Variants in OSTN observed in about 807,000 individuals in gnomAD.
OSTN encodes osteocrin.
A neutral mutation model predicts 12.0 loss-of-function variants in OSTN; 9 were observed. The ratio of observed to expected loss-of-function variants is 0.75; its 90% CI spans 0.45 to 1.30. The LOEUF is 1.30. Among genes scored for constraint, OSTN ranks in the 50% most tolerant of loss-of-function variants. OSTN has a pLI of 0.00. For missense variants in OSTN, 148 were observed against 152.3 expected, an observed-to-expected ratio of 0.97 and a Z score of 0.15; for synonymous variants, 59 against 56.9, an observed-to-expected ratio of 1.04 and a Z score of -0.16.
chr3:191,242,985 A>T (rs527423089), intron 3 of OSTN, among the ~76,000 whole-genome samples: 19 of 152,290 alleles, frequency 1.2e-4, no homozygotes, highest in African/African-American at 4.3e-4. Flanking sequence ...AAACATTAGA[A>T]AAACAGGCAG....
intron 1 of OSTN, among the ~76,000 whole-genome samples, chr3:191,200,044 G>C (rs1211618827): frequency 6.6e-6 from 1 of 152,062 alleles, no homozygotes; most frequent in Non-Finnish European, 1.5e-5. Flanking sequence ...TATAGGTTTA[G>C]GAATGTGATT....
chr3:191,231,578 T>A (rs1218076476), intron 3 of OSTN, among the ~76,000 whole-genome samples: 2 of 152,210 alleles, frequency 1.3e-5, no homozygotes, highest in East Asian at 3.8e-4. Context: ...TGTTAGATCT[T>A]TCACAAGACC....
chr3:191,199,501 T>C (rs894572596), intron 1 of OSTN, among the ~76,000 whole-genome samples, 194 bp downstream of exon 1: 1 of 152,100 alleles, frequency 6.6e-6, no homozygotes, highest in African/African-American at 2.4e-5. Context: ...TAATTGCTTA[T>C]TCAGATATTT....
intron 3 of OSTN, among the ~76,000 whole-genome samples, chr3:191,232,136 G>T (rs1031590881): frequency 1.3e-5 from 2 of 151,800 alleles, no homozygotes; most frequent in African/African-American, 4.8e-5. Context: ...TTCGTGACCA[G>T]CCTGGCCAAC....
At chr3:191,210,903 G>A (rs1714402684) in intron 1 of OSTN, among the ~76,000 whole-genome samples, 1 of 152,192 alleles carries the variant, frequency 6.6e-6, no homozygotes, top group Non-Finnish European at 1.5e-5. Flanking sequence ...GTAACTTCCA[G>A]TAGTCAAACT....
intron 3 of OSTN, among the ~76,000 whole-genome samples, chr3:191,228,218 G>A (rs1383978008): frequency 1.3e-5 from 2 of 152,094 alleles, no homozygotes; most frequent in Non-Finnish European, 2.9e-5. Flanking sequence ...TTGCTATCAG[G>A]TAGGACAAGA....
Position 191,250,088 on chromosome 3 carries a change from T to C in OSTN, c.369T>C (p.Ile123=), listed in dbSNP as rs147138178. The C allele has an allele frequency of 1.6e-5, 26 of 1,613,620 alleles. No homozygotes were observed. Among genetic ancestry groups the C allele is most frequent in the Non-Finnish European group, 2.2e-5 (26 of 1,179,676 alleles). The part of the protein sequence containing the change: ...KRRFGIPMDR[I]GRNRLSNSRG ...GATTTGGTATCCCCATGGATCGGAT[T>C]GGTAGAAACCGGCTTTCAAATTCCA... Residue 123 remains isoleucine, a synonymous_variant, in exon 4 of 5, where the codon ATT becomes ATC. Transcript: ENST00000682035.
intron 1 of OSTN, among the ~76,000 whole-genome samples, chr3:191,212,297 T>G (rs907035115): frequency 6.6e-6 from 1 of 152,206 alleles, no homozygotes; most frequent in Non-Finnish European, 1.5e-5. Flanking sequence ...ATTATTATTA[T>G]AGCTGTACAA....
At chr3:191,230,565 A>G (rs1576931149) in intron 3 of OSTN, among the ~76,000 whole-genome samples, 1 of 148,742 alleles carries the variant, frequency 6.7e-6, no homozygotes, top group African/African-American at 2.5e-5. Context: ...TCCGTCTCAA[A>G]AAAAAAAAAA....
At chr3:191,238,654 T>G (rs1715255444) in intron 3 of OSTN, among the ~76,000 whole-genome samples, 1 of 152,184 alleles carries the variant, frequency 6.6e-6, no homozygotes, top group Non-Finnish European at 1.5e-5. Flanking sequence ...TTGAGGAGAT[T>G]CCATGTTCTT....
intron 1 of OSTN, 31 bp from the exon 2 acceptor site, chr3:191,212,502 C>A: frequency 7.0e-7 from 1 of 1,422,028 alleles, no homozygotes; most frequent in South Asian, 1.4e-5. Context: ...CCAAACGAAT[C>A]AATGCTAACT....
intron 4 of OSTN, among the ~76,000 whole-genome samples, chr3:191,258,697 G>A (rs186426204): frequency 6.6e-6 from 1 of 151,762 alleles, no homozygotes; most frequent in East Asian, 1.9e-4. Context: ...CTGAATCCCA[G>A]GTACCCCCAA....
At chr3:191,214,575 G>T (rs1255275110) in intron 2 of OSTN, among the ~76,000 whole-genome samples, 1 of 151,188 alleles carries the variant, frequency 6.6e-6, no homozygotes, top group African/African-American at 2.5e-5. Flanking sequence ...GAAACAGGAG[G>T]CTCAATAGCT....
At chr3:191,202,186 T>C (rs1714165584) in intron 1 of OSTN, among the ~76,000 whole-genome samples, 1 of 152,234 alleles carries the variant, frequency 6.6e-6, no homozygotes, top group Non-Finnish European at 1.5e-5. Flanking sequence ...AATTATAATG[T>C]TTTCTGTATA....
intron 3 of OSTN, among the ~76,000 whole-genome samples, chr3:191,220,606 C>T (rs369259537): frequency 2.0e-5 from 3 of 152,092 alleles, no homozygotes; most frequent in East Asian, 3.9e-4. Context: ...ATTGAGCTAC[C>T]GTATGTTCCA....
In OSTN at chr3:191,262,892, C is replaced by G; in HGVS notation, c.*39C>G. ...TGCAACTTCCTTGGGTGAAATGTCACAGCAATATGGAAGATGCTTCACTGA... is the reference window on the plus strand; with the variant it reads ...TGCAACTTCCTTGGGTGAAATGTCAGAGCAATATGGAAGATGCTTCACTGA... On this transcript the variant is annotated 3_prime_UTR_variant, in exon 5 of 5. Coordinates refer to ENST00000682035, the MANE Select transcript of OSTN (RefSeq NM_198184.2). The G allele has an allele frequency of 1.4e-6, 1 of 702,182 alleles. No homozygotes were observed. Among genetic ancestry groups the G allele is most frequent in the South Asian group, 1.5e-5 (1 of 67,546 alleles). The allele number at this position is 702,182 out of a possible 1,614,324, so 43.5% of individuals were successfully genotyped here.
chr3:191,216,988 T>A (rs1001086777), intron 2 of OSTN: 1 of 150,220 alleles, frequency 6.7e-6, no homozygotes, highest in Non-Finnish European at 1.5e-5. Context: ...AACAATTTAC[T>A]GTATTAGTCC....
intron 1 of OSTN, among the ~76,000 whole-genome samples, chr3:191,211,486 A>G (rs1444945502): frequency 6.6e-6 from 1 of 152,214 alleles, no homozygotes; most frequent in Non-Finnish European, 1.5e-5. Context: ...TTGCATATAA[A>G]CATTGACAGT....
chr3:191,255,024 G>C (rs1266050298), intron 4 of OSTN, among the ~76,000 whole-genome samples: 1 of 152,160 alleles, frequency 6.6e-6, no homozygotes, highest in Non-Finnish European at 1.5e-5. Context: ...GCTTTTCGGC[G>C]CCGGGGACTG....
Sources: allele counts gnomAD v4.1 joint callset (sites outside exome capture counted in the v4.1 genomes callset), GRCh38; gene constraint gnomAD v4.1.1; transcripts MANE v1.5; gene names NCBI Gene and HGNC (gene_info 2026-07-23, HGNC 2026-07-21).